Variants in PIBF1 observed in about 807,000 individuals in gnomAD.
The protein encoded by PIBF1 is progesterone immunomodulatory binding factor 1.
In PIBF1, 90 loss-of-function variants were observed where a neutral mutation model predicts 112.5. The ratio of observed to expected loss-of-function variants is 0.80; its 90% confidence interval spans 0.67 to 0.95. The LOEUF is 0.95. Among genes scored for constraint, PIBF1 ranks in the 40% least tolerant of loss-of-function variants. The probability of loss-of-function intolerance (pLI) is 0.00; values close to 1 mark genes in which losing one functional copy is unlikely to be tolerated. For synonymous variants in PIBF1, 301 were observed against 288.6 expected (o/e 1.04, Z -0.44); for missense variants, 915 against 852.3 (o/e 1.07, Z -0.92).
Position 72,973,588 on chromosome 13 carries a change from C to A in PIBF1, c.1965-3C>A. The A allele has an allele frequency of 2.0e-6, 3 of 1,476,294 alleles. No homozygotes were observed. The highest frequency in any genetic ancestry group is 2.7e-6 in the Non-Finnish European group (3 of 1,091,826). The allele number at this position is 1,476,294 out of a possible 1,614,324, so 91.4% of individuals were successfully genotyped here. ...TTTTTAAAACTGGGGTTTTTTTTTT[C>A]AGCAACTTAAATAAAGAAAAGTCAG... On this transcript the variant is annotated splice_region_variant and splice_polypyrimidine_tract_variant and intron_variant, in intron 15 of 17. Coordinates refer to ENST00000326291, the MANE Select transcript of PIBF1 (RefSeq NM_006346.4).
chr13:72,950,344 G>A (rs1422074062), intron 14 of PIBF1, among the ~76,000 whole-genome samples: 1 of 152,122 alleles, frequency 6.6e-6, no homozygotes, highest in African/African-American at 2.4e-5. Context: ...CAATTCAATA[G>A]TGATTTCCTT....
At chr13:72,953,645 T>C (rs556204022) in intron 14 of PIBF1, among the ~76,000 whole-genome samples, 143 of 152,270 alleles carry the variant, frequency 9.4e-4, no homozygotes, top group Non-Finnish European at 1.7e-3. Flanking sequence ...ACTGGGCACA[T>C]GGACAGACTC....
At chr13:72,856,044 C>T (rs747401545) in intron 10 of PIBF1, among the ~76,000 whole-genome samples, 4 of 152,230 alleles carry the variant, frequency 2.6e-5, no homozygotes, top group Admixed American at 6.5e-5. Context: ...TTATATTTAT[C>T]GTAAGCTACA....
At chr13:72,820,074 G>A (rs967265440) in intron 5 of PIBF1, among the ~76,000 whole-genome samples, 1 of 152,084 alleles carries the variant, frequency 6.6e-6, no homozygotes, top group Admixed American at 6.6e-5. Context: ...CAAAGAGGAA[G>A]CATTATAACA....
intron 8 of PIBF1, 145 bp from the exon 9 acceptor site, chr13:72,835,098 A>G: frequency 2.4e-6 from 1 of 419,730 alleles, no homozygotes; most frequent in East Asian, 4.0e-5. Flanking sequence ...GGAATTATAA[A>G]ACTTTATACT....
At chr13:72,985,638 A>G (rs2043264829) in intron 16 of PIBF1, among the ~76,000 whole-genome samples, 1 of 152,236 alleles carries the variant, frequency 6.6e-6, no homozygotes, top group East Asian at 1.9e-4. Flanking sequence ...GTTAGACACC[A>G]TATTGGCAAT....
rs374390806 is a variant in PIBF1 at position 72,827,019 on chromosome 13, T to C, written c.816T>C (p.Asp272=). The stretch of plus-strand genomic sequence containing the variant: ...AATTTTATTTTAACAGTGAACGTGA[T>C]GCACTTGAACAGGAAGTAATTGAGC... ...ENYDKVKSER[D]ALEQEVIELR... The change falls in exon 7 of 18, where the codon GAT becomes GAC. Residue 272 remains aspartate, a synonymous_variant. Coordinates refer to ENST00000326291, the MANE Select transcript of PIBF1 (RefSeq NM_006346.4). 9.4e-6 allele frequency: 15 copies of C among 1,590,312 alleles called. No homozygotes were observed. In the East Asian group the frequency reaches 1.8e-4, roughly 19 times the overall value.
chr13:72,965,345 G>T lies in PIBF1; in HGVS notation c.1905G>T (p.Gln635His), dbSNP rs554261862. 1.2e-6 allele frequency: 2 copies of T among 1,609,970 alleles called. No homozygotes were observed. Among genetic ancestry groups the T allele is most frequent in the African/African-American group, 2.7e-5 (2 of 74,958 alleles). Reference sequence around the variant, plus strand: ...GGTATCTCATTGAATCAGTGCGTCAGAGAGATTCTAAGATTGATTCACTGA... The same window carrying T: ...GGTATCTCATTGAATCAGTGCGTCATAGAGATTCTAAGATTGATTCACTGA... Reference protein sequence around the residue: ...PYRYLIESVRQRDSKIDSLTE... With the variant: ...PYRYLIESVRHRDSKIDSLTE... Residue 635 changes from glutamine (Q) to histidine (H), a missense_variant, in exon 15 of 18, where the codon CAG (glutamine) becomes CAT (histidine). Gln to His is a conservative substitution (Grantham distance 24). Transcript: ENST00000326291.
chr13:72,819,868 C>G (rs1300978087), intron 5 of PIBF1, among the ~76,000 whole-genome samples: 1 of 152,096 alleles, frequency 6.6e-6, no homozygotes, highest in African/African-American at 2.4e-5. Context: ...GCACTGTCTT[C>G]CACTGTTTTT....
intron 17 of PIBF1, among the ~76,000 whole-genome samples, chr13:73,008,786 T>C (rs1275921983): frequency 6.6e-6 from 1 of 152,164 alleles, no homozygotes; most frequent in Non-Finnish European, 1.5e-5. Context: ...TATACGGTGC[T>C]CAAACCACAA....
At chr13:72,829,464 A>G (rs2036993009) in intron 8 of PIBF1, among the ~76,000 whole-genome samples, 1 of 152,172 alleles carries the variant, frequency 6.6e-6, no homozygotes, top group Non-Finnish European at 1.5e-5. Flanking sequence ...TATAAGGTAT[A>G]AGGAAGGGGT....
intron 15 of PIBF1, 88 bp from the exon 16 acceptor site, chr13:72,973,503 T>A (rs2042949097): frequency 1.5e-6 from 1 of 651,648 alleles, no homozygotes; most frequent in Non-Finnish European, 2.6e-6. Context: ...AACCATCAGA[T>A]TCATGTTTAT....
At chr13:72,996,680 C>T (rs753668818) in intron 16 of PIBF1, among the ~76,000 whole-genome samples, 2 of 151,854 alleles carry the variant, frequency 1.3e-5, no homozygotes, top group Non-Finnish European at 2.9e-5. Context: ...CCTAGCTACT[C>T]AGGAGGCTGA....
chr13:72,788,052 C>T (rs1044946286), intron 2 of PIBF1, among the ~76,000 whole-genome samples: 2 of 152,152 alleles, frequency 1.3e-5, no homozygotes, highest in African/African-American at 2.4e-5. Flanking sequence ...TATTGAGCAT[C>T]GTATGCTAAC....
chr13:72,847,175 A>G (rs1349025884), intron 9 of PIBF1, among the ~76,000 whole-genome samples: 2 of 152,146 alleles, frequency 1.3e-5, no homozygotes, highest in African/African-American at 4.8e-5. Context: ...TTGGTACTTC[A>G]ATTTTTTATA....
chr13:72,892,688 A>G (rs575938939), intron 10 of PIBF1, among the ~76,000 whole-genome samples: 2 of 152,088 alleles, frequency 1.3e-5, no homozygotes, highest in East Asian at 1.9e-4. Context: ...ATGAGATACC[A>G]TAGATAAAAC....
chr13:72,971,228 A>C (rs2042884174), intron 15 of PIBF1, among the ~76,000 whole-genome samples: 1 of 147,464 alleles, frequency 6.8e-6, no homozygotes, highest in Non-Finnish European at 1.5e-5. Context: ...GTGTGTATGC[A>C]CTGAATGTGA....
chr13:72,802,202 A>G (rs538746569), intron 5 of PIBF1, among the ~76,000 whole-genome samples: 2 of 152,236 alleles, frequency 1.3e-5, no homozygotes, highest in Non-Finnish European at 2.9e-5. Flanking sequence ...CAACCCCTGT[A>G]TCGTCCAAGG....
At chr13:72,789,698 T>G (rs982349669) in intron 2 of PIBF1, among the ~76,000 whole-genome samples, 5 of 152,112 alleles carry the variant, frequency 3.3e-5, no homozygotes, top group Non-Finnish European at 5.9e-5. Context: ...CTAAAATGCT[T>G]GGGACCAGAA....
Sources: gnomAD v4.1 joint callset for allele counts (sites outside exome capture counted in the v4.1 genomes callset) on GRCh38, gnomAD v4.1.1 for gene constraint, MANE v1.5 for transcripts, NCBI Gene and HGNC (gene_info 2026-07-23, HGNC 2026-07-21) for gene names.